Variants in SOX5 observed in about 807,000 individuals in gnomAD.
SOX5 encodes SRY-box transcription factor 5.
A neutral mutation model predicts 92.0 loss-of-function variants in SOX5; 9 were observed. The ratio of observed to expected loss-of-function variants is 0.10; its 90% CI spans 0.06 to 0.17. The LOEUF is 0.17. Among genes scored for constraint, SOX5 ranks in the 10% least tolerant of loss-of-function variants. SOX5 has a pLI of 1.00. For missense variants in SOX5, 642 were observed against 944.5 expected, an observed-to-expected ratio of 0.68 and a Z score of 4.20; for synonymous variants, 344 against 336.3, an observed-to-expected ratio of 1.02 and a Z score of -0.25.
At chr12:23,918,658 G>A (rs2097444997) in intron 1 of SOX5, among the ~76,000 whole-genome samples, 1 of 152,162 alleles carries the variant, frequency 6.6e-6, no homozygotes, top group Non-Finnish European at 1.5e-5. Context: ...GGGCGTGGTG[G>A]CTCATGCCTG....
intron 3 of SOX5, among the ~76,000 whole-genome samples, chr12:23,842,340 T>C (rs559470427): frequency 2.2e-4 from 34 of 152,108 alleles, no homozygotes; most frequent in Admixed American, 3.3e-4. Context: ...CAATAATCCA[T>C]GCAAAAAAGG....
chr12:23,728,505 A>G (rs913998457), intron 6 of SOX5, among the ~76,000 whole-genome samples: 1 of 152,156 alleles, frequency 6.6e-6, no homozygotes, highest in Admixed American at 6.6e-5. Flanking sequence ...TTAGGTACAT[A>G]CTATTATTTC....
intron 1 of SOX5, among the ~76,000 whole-genome samples, chr12:23,906,868 C>T (rs1021488531): frequency 6.6e-6 from 1 of 151,704 alleles, no homozygotes; most frequent in South Asian, 2.1e-4. Context: ...AAATCAGAAG[C>T]CTTTTGGATT....
rs1389085024 is a variant in SOX5, at chr12:24,066,065, T to C, written c.-2+147278A>G. Reference sequence around the variant, plus strand: ...TTACAGTCTAAAAAAAAAAGTAGGATTTCAATAATTGTGCATTAAATGAAT... The same window carrying C: ...TTACAGTCTAAAAAAAAAAGTAGGACTTCAATAATTGTGCATTAAATGAAT... On this transcript the variant is annotated intron_variant, in intron 4 of 4. Transcript: ENST00000446891. Among the ~76,000 whole-genome samples the C allele has an allele frequency of 2.0e-5, 3 of 152,162 alleles. No homozygotes were observed. The East Asian group carries it at 5.8e-4, about 29-fold the overall frequency.
At chr12:23,869,589 C>T (rs2096851774) in intron 2 of SOX5, among the ~76,000 whole-genome samples, 1 of 152,040 alleles carries the variant, frequency 6.6e-6, no homozygotes, top group Non-Finnish European at 1.5e-5. Flanking sequence ...TGCCATGGTC[C>T]TCTAGAAGGA....
At chr12:23,929,432 C>A (rs4963562) in intron 1 of SOX5, among the ~76,000 whole-genome samples, 107,126 of 151,762 alleles carry the variant, frequency 0.71, 37,843 homozygotes, top group East Asian at 0.79. Context: ...TGAATATCAG[C>A]TAGCCAATTA....
intron 1 of SOX5, among the ~76,000 whole-genome samples, chr12:24,457,101 T>C (rs1382189671): frequency 6.6e-6 from 1 of 152,184 alleles, no homozygotes; most frequent in Non-Finnish European, 1.5e-5. Flanking sequence ...CTATTAAAGC[T>C]CAATCTTATA....
intron 1 of SOX5, among the ~76,000 whole-genome samples, chr12:23,947,868 T>C (rs1233660313): frequency 1.3e-5 from 2 of 152,008 alleles, no homozygotes; most frequent in Admixed American, 6.6e-5. Flanking sequence ...CTACAGCCTG[T>C]TAATATGTAA....
At chr12:24,172,211 G>A (rs943505593) in intron 4 of SOX5, among the ~76,000 whole-genome samples, 4 of 152,062 alleles carry the variant, frequency 2.6e-5, no homozygotes, top group Non-Finnish European at 4.4e-5. Context: ...ACTTCAAGCA[G>A]GGGAGTCATA....
chr12:24,284,623 G>T (rs978718756), intron 2 of SOX5, among the ~76,000 whole-genome samples: 5 of 152,072 alleles, frequency 3.3e-5, no homozygotes, highest in African/African-American at 1.2e-4. Context: ...TCCTGCCTCA[G>T]GCAGCAGACT....
chr12:23,941,669 T>C (rs1943668671), intron 1 of SOX5, among the ~76,000 whole-genome samples: 1 of 151,530 alleles, frequency 6.6e-6, no homozygotes, highest in South Asian at 2.1e-4. Context: ...GTATCATAGA[T>C]GACAAAGAAT....
At chr12:23,562,727 CG>C (rs1565839972) in intron 11 of SOX5, among the ~76,000 whole-genome samples, 1 of 152,066 alleles carries the variant, frequency 6.6e-6, no homozygotes. Flanking sequence ...ATACAAATAA[CG>C]TCAAAGTTTT....
intron 4 of SOX5, among the ~76,000 whole-genome samples, chr12:24,096,704 A>T (rs1291626047): frequency 6.6e-6 from 1 of 152,188 alleles, no homozygotes; most frequent in African/African-American, 2.4e-5. Flanking sequence ...TTATGTATCT[A>T]TTCAACCATT....
At chr12:23,829,258 C>G (rs571415397) in intron 3 of SOX5, among the ~76,000 whole-genome samples, 2 of 152,264 alleles carry the variant, frequency 1.3e-5, no homozygotes, top group East Asian at 3.9e-4. Flanking sequence ...TATGCACGGT[C>G]CTGACAAGTG....
At chr12:24,206,008 C>A (rs1957983025) in intron 4 of SOX5, among the ~76,000 whole-genome samples, 1 of 152,152 alleles carries the variant, frequency 6.6e-6, no homozygotes, top group African/African-American at 2.4e-5. Context: ...ATAAATCTGT[C>A]CAAGAATACA....
At chr12:24,029,539 C>T (rs1466689574) in intron 4 of SOX5, among the ~76,000 whole-genome samples, 2 of 151,732 alleles carry the variant, frequency 1.3e-5, no homozygotes, top group South Asian at 2.1e-4. Context: ...CCTCCCAAAG[C>T]ACTAGGATTA....
At chr12:24,384,251 A>G (rs1958135763) in intron 1 of SOX5, among the ~76,000 whole-genome samples, 1 of 152,178 alleles carries the variant, frequency 6.6e-6, no homozygotes, top group Non-Finnish European at 1.5e-5. Flanking sequence ...TGCACAGTTC[A>G]CAATAGGGTT....
At chr12:23,542,716 A>G (rs942778453) in intron 13 of SOX5, among the ~76,000 whole-genome samples, 6 of 152,228 alleles carry the variant, frequency 3.9e-5, no homozygotes, top group African/African-American at 1.4e-4. Context: ...CTGATTTTCA[A>G]TTATAGCACT....
At chr12:24,550,319 A>T (rs894871745) in intron 1 of SOX5, among the ~76,000 whole-genome samples, 1 of 152,218 alleles carries the variant, frequency 6.6e-6, no homozygotes, top group Non-Finnish European at 1.5e-5. Flanking sequence ...TCTTCATGTC[A>T]TAAGAAGATA....
Sources: allele counts gnomAD v4.1 joint callset (sites outside exome capture counted in the v4.1 genomes callset), GRCh38; gene constraint gnomAD v4.1.1; transcripts MANE v1.5; gene names NCBI Gene and HGNC (gene_info 2026-07-23, HGNC 2026-07-21).